CSMD1: variants seen among roughly 807,000 people sequenced by gnomAD.
The protein encoded by CSMD1 is CUB and sushi domain-containing protein 1.
In CSMD1, 213 loss-of-function variants were observed where a neutral mutation model predicts 417.5. The ratio of observed to expected loss-of-function variants is 0.51; its 90% CI spans 0.46 to 0.57. CSMD1 has a LOEUF of 0.57. CSMD1 is among the 20% of genes least tolerant of loss of function. The pLI is 0.00. For synonymous variants in CSMD1, 2,862 were observed against 1,736.8 expected, an observed-to-expected ratio of 1.65 and a Z score of -16.11; for missense variants, 6,923 against 4,529.7, an observed-to-expected ratio of 1.53 and a Z score of -15.17.
chr8:4,187,312 C>T (rs964031367), intron 3 of CSMD1, among the ~76,000 whole-genome samples: 1 of 152,018 alleles, frequency 6.6e-6, no homozygotes, highest in Admixed American at 6.6e-5. Flanking sequence ...AAAGGACAAC[C>T]CACTAGGATG....
intron 1 of CSMD1, among the ~76,000 whole-genome samples, chr8:4,888,142 TAA>T (rs1289093635): frequency 6.6e-6 from 1 of 151,892 alleles, no homozygotes; most frequent in Non-Finnish European, 1.5e-5. Flanking sequence ...ATGCCATATA[TAA>T]AAGAGTATAT....
chr8:4,030,219 A>G (rs956293812), intron 4 of CSMD1, among the ~76,000 whole-genome samples: 3 of 152,098 alleles, frequency 2.0e-5, no homozygotes, highest in African/African-American at 7.2e-5. Context: ...GTGCCCCAGT[A>G]GGGACTCTGT....
At chr8:4,094,859 G>T (rs1164242031) in intron 3 of CSMD1, among the ~76,000 whole-genome samples, 1 of 152,196 alleles carries the variant, frequency 6.6e-6, no homozygotes, top group Admixed American at 6.5e-5. Flanking sequence ...TTGGTGATGT[G>T]TTTGGGGCAT....
At chr8:3,496,250 C>G (rs1796359856) in intron 10 of CSMD1, among the ~76,000 whole-genome samples, 1 of 152,212 alleles carries the variant, frequency 6.6e-6, no homozygotes, top group South Asian at 2.1e-4. Flanking sequence ...CCAAGAAAGC[C>G]AGTCTCTTTG....
chr8:4,442,333 C>G (rs1182680281), intron 2 of CSMD1, among the ~76,000 whole-genome samples: 3 of 152,086 alleles, frequency 2.0e-5, no homozygotes, highest in Non-Finnish European at 4.4e-5. Context: ...AGTAGAAGTT[C>G]TCCTTCCAAA....
At chr8:4,922,990 G>A (rs960137984) in intron 1 of CSMD1, among the ~76,000 whole-genome samples, 2 of 152,126 alleles carry the variant, frequency 1.3e-5, no homozygotes, top group Non-Finnish European at 2.9e-5. Context: ...AATGTGAACA[G>A]TAACAGTCCC....
chr8:3,860,419 TACTA>T (rs1233806987), intron 5 of CSMD1, among the ~76,000 whole-genome samples: 2 of 152,188 alleles, frequency 1.3e-5, no homozygotes, highest in Non-Finnish European at 2.9e-5. Context: ...GTTTCTATGT[TACTA>T]AAACAATAAA....
chr8:4,964,024 A>C (rs1809686415), intron 1 of CSMD1, among the ~76,000 whole-genome samples: 1 of 151,654 alleles, frequency 6.6e-6, no homozygotes, highest in Non-Finnish European at 1.5e-5. Flanking sequence ...GAACATATAA[A>C]ATTTCTTATT....
chr8:3,620,295 T>C (rs1378960947), intron 7 of CSMD1, among the ~76,000 whole-genome samples: 2 of 147,390 alleles, frequency 1.4e-5, no homozygotes, highest in African/African-American at 2.7e-5. Context: ...TCCTTCAAGT[T>C]GAAATGAAAG....
chr8:3,647,039 C>T lies in CSMD1; in HGVS notation c.1010-30242G>A, dbSNP rs886470238. Among the ~76,000 whole-genome samples, 3 of 152,304 alleles carry T rather than the reference C, an allele frequency of 2.0e-5. No individual in the cohort carries two copies. The South Asian group carries it at 6.2e-4, about 32-fold the overall frequency. Reference sequence around the variant, plus strand: ...CAGCTCTTTCCTGCCACTTCTGGTGCTTCTTGCGTGTCAGCTCAGGTTTTC... The same window carrying T: ...CAGCTCTTTCCTGCCACTTCTGGTGTTTCTTGCGTGTCAGCTCAGGTTTTC... On this transcript the variant is annotated intron_variant, in intron 7 of 69. Transcript: ENST00000635120.
chr8:3,838,376 A>T (rs1802841223), intron 5 of CSMD1, among the ~76,000 whole-genome samples: 1 of 148,124 alleles, frequency 6.8e-6, no homozygotes, highest in Non-Finnish European at 1.5e-5. Context: ...TCTCTACTAT[A>T]TATACGCACT....
chr8:3,906,625 GC>G, intron 5 of CSMD1, among the ~76,000 whole-genome samples: 1 of 144,238 alleles, frequency 6.9e-6, no homozygotes, highest in South Asian at 2.2e-4. Context: ...ACAAACCTAA[GC>G]TTTTTTTTTT....
At chr8:4,152,983 C>G (rs533416229) in intron 3 of CSMD1, among the ~76,000 whole-genome samples, 5 of 152,234 alleles carry the variant, frequency 3.3e-5, no homozygotes, top group African/African-American at 1.2e-4. Context: ...TCTGCTATGA[C>G]AAGGTGAACA....
chr8:3,978,737 C>G (rs1224957944), intron 5 of CSMD1, among the ~76,000 whole-genome samples: 1 of 152,094 alleles, frequency 6.6e-6, no homozygotes. Context: ...AAAGACATAT[C>G]CCCAGCATAC....
At chr8:4,040,485 G>C (rs955664084) in intron 3 of CSMD1, among the ~76,000 whole-genome samples, 1 of 152,166 alleles carries the variant, frequency 6.6e-6, no homozygotes, top group Non-Finnish European at 1.5e-5. Context: ...CTACTTGCAA[G>C]CATGACAAAA....
chr8:4,743,759 G>C (rs940024115), intron 1 of CSMD1, among the ~76,000 whole-genome samples: 39 of 152,306 alleles, frequency 2.6e-4, no homozygotes, highest in Admixed American at 6.5e-4. Context: ...TACAGACCTT[G>C]AAGTTTTGCC....
rs768264857 is a variant in CSMD1, at chr8:4,964,501, C to CAAAAAAA, written c.85+29830_85+29831insTTTTTTT. 2.0e-3 allele frequency among the ~76,000 whole-genome samples: 163 copies of CAAAAAAA among 81,022 alleles called. 22 individuals are homozygous for CAAAAAAA. Among genetic ancestry groups the CAAAAAAA allele is most frequent in the African/African-American group, 7.7e-3 (139 of 18,154 alleles). The allele number at this position is 81,022 out of a possible 152,430, so 53.2% of individuals were successfully genotyped here. A position where few individuals can be genotyped will look rare whatever the true frequency, so the allele number is the denominator to read the frequency against. ...ATCACAACACAGCAAGACCCTGTCT[C>CAAAAAAA]CAAAAAAAAAAAAAAAAAAAAAAAG... On this transcript the variant is annotated intron_variant, in intron 1 of 69. Transcript: ENST00000635120.
chr8:4,624,120 C>T (rs1801954366), intron 2 of CSMD1, among the ~76,000 whole-genome samples: 1 of 152,128 alleles, frequency 6.6e-6, no homozygotes, highest in South Asian at 2.1e-4. Context: ...TCTCTGTATA[C>T]CAAAATTCTA....
chr8:4,403,048 G>C (rs372207306), intron 3 of CSMD1, among the ~76,000 whole-genome samples: 241 of 151,698 alleles, frequency 1.6e-3, no homozygotes, highest in African/African-American at 5.4e-3. Context: ...GGCCAGGATG[G>C]TCTCAATCTC....
Sources: gnomAD v4.1 joint callset for allele counts (sites outside exome capture counted in the v4.1 genomes callset) on GRCh38, gnomAD v4.1.1 for gene constraint, MANE v1.5 for transcripts, NCBI Gene and HGNC (gene_info 2026-07-23, HGNC 2026-07-21) for gene names.